Variants in LCOR observed in about 807,000 individuals in gnomAD.
LCOR encodes the protein ligand-dependent corepressor.
A neutral mutation model predicts 64.4 loss-of-function variants in LCOR; 14 were observed. That is an observed-to-expected ratio of 0.22 (90% CI 0.14 to 0.34). LCOR has a LOEUF of 0.34. Ranked by LOEUF, LCOR falls within the 10% of genes least tolerant of loss-of-function variation. LCOR has a pLI of 1.00. For synonymous variants in LCOR, 643 were observed against 642.5 expected (o/e 1.00, Z -0.01); for missense variants, 1,686 against 1,765.3 (o/e 0.96, Z 0.80).
At chr10:96,958,375 A>G (rs944029593) in intron 7 of LCOR, 27 of 1,530,892 alleles carry the variant, frequency 1.8e-5, no homozygotes, top group African/African-American at 9.6e-5. Context: ...TGGAGTGATC[A>G]TTTTACTAAC....
In LCOR at chr10:96,907,383, C is replaced by G. The variant is rs972699851; in HGVS notation, c.-264+53C>G. ...ATTCTTCCTGGTGCCATACATGATA[C>G]GTTGGTGTTTTAAGCCTCAGTCTCC... is the stretch of plus-strand genomic sequence containing the variant. On this transcript the variant is annotated intron_variant, in intron 3 of 7. Transcript: ENST00000421806. 8.0e-5 allele frequency: 49 copies of G among 610,292 alleles called. No individual in the cohort carries two copies. The African/African-American group carries it at 9.6e-4, about 12-fold the overall frequency. 37.8% of individuals were successfully genotyped at this position (610,292 alleles called of 1,614,324 possible). A position where few individuals can be genotyped will look rare whatever the true frequency, so the allele number is the denominator to read the frequency against.
At chr10:96,855,954 G>A (rs138347489) in intron 2 of LCOR, among the ~76,000 whole-genome samples, 1,723 of 150,906 alleles carry the variant, frequency 0.011, 23 homozygotes, top group African/African-American at 0.039. Flanking sequence ...ATGTTGGTCC[G>A]GCTGGTCTTG....
intron 2 of LCOR, among the ~76,000 whole-genome samples, chr10:96,842,617 T>TTTTTC (rs1213776510): frequency 2.0e-5 from 3 of 151,730 alleles, no homozygotes; most frequent in African/African-American, 4.8e-5. Flanking sequence ...AGCTTGCTTT[T>TTTTTC]TTTTCTTTTC....
chr10:96,961,714 G>T (rs1035756798), intron 7 of LCOR: 2 of 151,810 alleles, frequency 1.3e-5, no homozygotes, highest in Admixed American at 6.6e-5. Flanking sequence ...TGGGGGGTTG[G>T]GGGTAGTTGG....
chr10:96,929,479 A>G (rs1196058273), intron 4 of LCOR, among the ~76,000 whole-genome samples: 1 of 152,226 alleles, frequency 6.6e-6, no homozygotes, highest in East Asian at 1.9e-4. Context: ...CCTTCATAGA[A>G]TTGAAGAGAG....
At chr10:96,868,268 C>A (rs1025171082) in intron 2 of LCOR, among the ~76,000 whole-genome samples, 5 of 147,416 alleles carry the variant, frequency 3.4e-5, no homozygotes, top group Admixed American at 2.7e-4. Flanking sequence ...TTTTTCTTTT[C>A]TTTTCTTTTC....
At position 96,995,508 on chromosome 10, in the gene LCOR, GT is replaced by G. The variant is rs1848235354; in HGVS notation, c.*10376del. 1.3e-5 allele frequency: 2 copies of G among 152,284 alleles called. No individual in the cohort carries two copies. The highest frequency in any genetic ancestry group is 1.3e-4 in the Admixed American group (2 of 15,292). The allele number at this position is 152,284 out of a possible 1,614,324, so 9.4% of individuals were successfully genotyped here. On this transcript the variant is annotated 3_prime_UTR_variant, in exon 8 of 8. Transcript: ENST00000421806. This position sits in a 1 kb window ranked among gnomAD's most constrained non-coding sequence, Gnocchi z 4.2. Reference sequence around the variant, plus strand: ...AAAATTCAATGTATGCTGTGAATTTGTTGGTTTGAAACATTGAAATTTTTCA... The same window carrying G: ...AAAATTCAATGTATGCTGTGAATTTGTGGTTTGAAACATTGAAATTTTTCA...
chr10:96,903,154 G>A (rs1259462757), intron 2 of LCOR, among the ~76,000 whole-genome samples: 1 of 152,138 alleles, frequency 6.6e-6, no homozygotes, highest in African/African-American at 2.4e-5. Context: ...TGCAGGACTG[G>A]AAGTTGCTCT....
At chr10:96,970,175 A>T (rs1673110460) in intron 7 of LCOR, among the ~76,000 whole-genome samples, 1 of 151,738 alleles carries the variant, frequency 6.6e-6, no homozygotes, top group African/African-American at 2.4e-5. Context: ...AGGCAGGCAG[A>T]TCACCTGAGC....
At chr10:96,867,220 C>T (rs188624802) in intron 2 of LCOR, among the ~76,000 whole-genome samples, 104 of 151,978 alleles carry the variant, frequency 6.8e-4, no homozygotes, top group African/African-American at 2.4e-3. Context: ...GTCGAACTCC[C>T]GACCTCAGGT....
intron 7 of LCOR, among the ~76,000 whole-genome samples, chr10:96,972,090 G>A (rs765007761): frequency 1.3e-5 from 2 of 152,020 alleles, no homozygotes; most frequent in African/African-American, 2.4e-5. Context: ...GCACCCCAGA[G>A]AGGATGATAA....
intron 2 of LCOR, among the ~76,000 whole-genome samples, chr10:96,864,647 C>A (rs1241491299): frequency 6.6e-6 from 1 of 152,196 alleles, no homozygotes; most frequent in Non-Finnish European, 1.5e-5. Context: ...AACAATGTTT[C>A]AGTCAACAAC....
At chr10:96,936,289 G>A (rs933061679) in intron 4 of LCOR, among the ~76,000 whole-genome samples, 6 of 152,214 alleles carry the variant, frequency 3.9e-5, no homozygotes, top group East Asian at 3.8e-4. Flanking sequence ...TGTTTAAAAA[G>A]CATATCTCAA....
chr10:96,976,224 A>G (rs1178170217), intron 7 of LCOR, among the ~76,000 whole-genome samples: 3 of 152,140 alleles, frequency 2.0e-5, no homozygotes, highest in Non-Finnish European at 4.4e-5. Context: ...GGAGGTTGCC[A>G]TTTGCAGTTC....
intron 4 of LCOR, among the ~76,000 whole-genome samples, chr10:96,935,358 A>G (rs949154651): frequency 2.0e-5 from 3 of 152,010 alleles, no homozygotes; most frequent in Non-Finnish European, 1.5e-5. Context: ...CATGTTAGCC[A>G]GGCTGATCTC....
chr10:96,865,526 A>G (rs1274690768), intron 2 of LCOR, among the ~76,000 whole-genome samples: 3 of 147,426 alleles, frequency 2.0e-5, no homozygotes, highest in African/African-American at 7.7e-5. Flanking sequence ...ATTAAAATGT[A>G]CAGTAGTTAT....
chr10:96,924,709 C>T (rs1038983805), intron 4 of LCOR, among the ~76,000 whole-genome samples: 3 of 151,954 alleles, frequency 2.0e-5, no homozygotes, highest in Non-Finnish European at 2.9e-5. Context: ...CTACTTACAA[C>T]GCAGGCATTT....
intron 4 of LCOR, among the ~76,000 whole-genome samples, chr10:96,938,085 C>T (rs7906294): frequency 6.6e-6 from 1 of 151,972 alleles, no homozygotes; most frequent in Non-Finnish European, 1.5e-5. Context: ...CAAGTAGGTG[C>T]GACCACAGAT....
intron 2 of LCOR, among the ~76,000 whole-genome samples, chr10:96,856,985 A>AG (rs1845815744): frequency 6.6e-6 from 1 of 151,990 alleles, no homozygotes; most frequent in Admixed American, 6.6e-5. Flanking sequence ...TTCAGGAAGT[A>AG]GAAAAAATAG....
Sources: allele counts gnomAD v4.1 joint callset (sites outside exome capture counted in the v4.1 genomes callset), GRCh38; gene constraint gnomAD v4.1.1; non-coding constraint Gnocchi (gnomAD v3.1); transcripts MANE v1.5; gene names NCBI Gene and HGNC (gene_info 2026-07-23, HGNC 2026-07-21).